Variants in ZNF680 observed in about 807,000 individuals in gnomAD.
ZNF680 encodes the protein zinc finger protein 680, also known as hypothetical protein FLJ90430.
ZNF680 carries 6 observed loss-of-function variants against 12.1 expected under a neutral mutation model. The ratio of observed to expected loss-of-function variants is 0.49; its 90% CI spans 0.27 to 0.98. The LOEUF (loss-of-function observed/expected upper bound fraction) is 0.98, where lower values mean the gene tolerates loss of function less well. Among genes scored for constraint, ZNF680 ranks in the 50% least tolerant of loss-of-function variants. The pLI, the probability that ZNF680 is intolerant of heterozygous loss-of-function variation, is 0.12. For synonymous variants in ZNF680, 170 were observed against 199.3 expected (o/e 0.85, Z 1.24); for missense variants, 561 against 616.3 (o/e 0.91, Z 0.95).
Position 64,534,160 on chromosome 7 carries a change from T to C in ZNF680, c.253+9547A>G, listed in dbSNP as rs186208637. On this transcript the variant is annotated intron_variant, in intron 3 of 3. Coordinates refer to ENST00000309683, the MANE Select transcript of ZNF680 (RefSeq NM_178558.5). ...CAAATGCAATAAAAACAAAGATAAA[T>C]AGCTGGAACTTAATTAAACAAAAGA... 2.9e-3 allele frequency among the ~76,000 whole-genome samples: 442 copies of C among 152,054 alleles called. 2 individuals are homozygous for C. The highest frequency in any genetic ancestry group is 0.01 in the African/African-American group (428 of 41,484).
At chr7:64,559,474 GTT>G (rs11299637) in intron 1 of ZNF680, among the ~76,000 whole-genome samples, 2 of 146,390 alleles carry the variant, frequency 1.4e-5, no homozygotes. Context: ...GTTTGTTTAG[GTT>G]TTTTTTTTTT....
chr7:64,501,101 G>A, the ZNF680 span: 1,087 of 969,990 alleles, frequency 1.1e-3, 8 homozygotes, highest in African/African-American at 0.013. Context: ...GTGAACGGAG[G>A]AAAAGCAGGT....
chr7:64,501,558 A>G, the ZNF680 span: 11 of 755,954 alleles, frequency 1.5e-5, no homozygotes, highest in Non-Finnish European at 2.4e-5. Flanking sequence ...GAAAAATGAG[A>G]TTAATGTGAA....
chr7:64,558,966 A>G (rs59264435), intron 1 of ZNF680, among the ~76,000 whole-genome samples: 1,579 of 152,188 alleles, frequency 0.01, 31 homozygotes, highest in African/African-American at 0.036. Context: ...CGGGTGGGGG[A>G]AACAAGAGGG....
chr7:64,555,086 G>A (rs951104350), intron 1 of ZNF680, among the ~76,000 whole-genome samples: 5 of 152,098 alleles, frequency 3.3e-5, no homozygotes, highest in African/African-American at 1.2e-4. Context: ...ATAATAGTGG[G>A]ATACAACACC....
intron 1 of ZNF680, 135 bp downstream of exon 1, chr7:64,562,790 C>A: frequency 1.0e-6 from 1 of 969,070 alleles, no homozygotes; most frequent in Non-Finnish European, 1.6e-6. Flanking sequence ...GACTGAGGAC[C>A]GAGCTGCGCC....
In ZNF680 at chr7:64,522,469, C is replaced by A; in HGVS notation, c.285G>T (p.Trp95Cys). 1 of 1,544,722 alleles carries A rather than the reference C, an allele frequency of 6.5e-7. No individual in the cohort carries two copies. Among genetic ancestry groups the A allele is most frequent in the Non-Finnish European group, 8.7e-7 (1 of 1,147,420 alleles). Residue 95 changes from tryptophan (W) to cysteine (C), a missense_variant, in exon 4 of 4, where the codon TGG becomes TGT. Trp to Cys is a radical substitution (Grantham distance 215). Transcript: ENST00000309683. ...AAGAATCTTTTATGCTATGCTCTGG[C>A]CAAAGGTCTTCAGTGAAATGAGAAT... Reference protein sequence around the residue: ...VIYSHFTEDLWPEHSIKDSFQ... With the variant: ...VIYSHFTEDLCPEHSIKDSFQ...
At chr7:64,502,311 G>A in the ZNF680 span, among the ~76,000 whole-genome samples, 6 of 151,936 alleles carry the variant, frequency 3.9e-5, no homozygotes, top group African/African-American at 1.2e-4. Context: ...TTGCCCGGCC[G>A]GATTTACGGT....
Position 64,543,806 on chromosome 7 carries a change from T to C in ZNF680, c.158-4A>G. On this transcript the variant is annotated splice_polypyrimidine_tract_variant and splice_region_variant and intron_variant, in intron 2 of 3. Coordinates refer to ENST00000309683, the MANE Select transcript of ZNF680 (RefSeq NM_178558.5). Reference sequence around the variant, plus strand: ...TGAGGCTTAGAGACAGCAATACCTGTTTTATTAAAAATAAATAACATGAAT... The same window carrying C: ...TGAGGCTTAGAGACAGCAATACCTGCTTTATTAAAAATAAATAACATGAAT... 6.2e-7 allele frequency: 1 copy of C among 1,610,902 alleles called. No homozygotes were observed. Among genetic ancestry groups the C allele is most frequent in the Non-Finnish European group, 8.5e-7 (1 of 1,177,870 alleles).
At chr7:64,510,260 TA>T in the ZNF680 span, among the ~76,000 whole-genome samples, 2,598 of 151,526 alleles carry the variant, frequency 0.017, 31 homozygotes, top group Middle Eastern at 0.037. Flanking sequence ...ATATGCATTT[TA>T]AAAAGCTTGC....
chr7:64,527,390 A>C (rs1791920161), intron 3 of ZNF680, among the ~76,000 whole-genome samples: 1 of 152,076 alleles, frequency 6.6e-6, no homozygotes, highest in Non-Finnish European at 1.5e-5. Flanking sequence ...AAATACATTA[A>C]TTAAACTAAT....
At chr7:64,555,493 A>G (rs1787360787) in intron 1 of ZNF680, among the ~76,000 whole-genome samples, 1 of 152,108 alleles carries the variant, frequency 6.6e-6, no homozygotes, top group African/African-American at 2.4e-5. Context: ...GAATCTCTGC[A>G]ACACAGCTAA....
At chr7:64,517,982 G>C (rs570374905), downstream of ZNF680, among the ~76,000 whole-genome samples, 55 of 152,128 alleles carry the variant, frequency 3.6e-4, 1 homozygote, top group East Asian at 9.7e-4. Context: ...ACATAACACT[G>C]AACAGGGTAA....
the ZNF680 span, among the ~76,000 whole-genome samples, chr7:64,512,674 T>C: frequency 6.6e-6 from 1 of 152,228 alleles, no homozygotes; most frequent in East Asian, 1.9e-4. Flanking sequence ...ATAAAAACTG[T>C]ATTTCTAGCC....
chr7:64,549,045 G>A (rs1479947006), intron 1 of ZNF680, among the ~76,000 whole-genome samples: 6 of 151,776 alleles, frequency 4.0e-5, no homozygotes, highest in Non-Finnish European at 2.9e-5. Context: ...GCTTGAACCC[G>A]GGAGGCAGAG....
intron 1 of ZNF680, among the ~76,000 whole-genome samples, chr7:64,555,066 T>C (rs575627421): frequency 2.6e-5 from 4 of 152,206 alleles, no homozygotes; most frequent in African/African-American, 9.6e-5. Context: ...GAGACTTAGA[T>C]TCTGACACAA....
intron 3 of ZNF680, among the ~76,000 whole-genome samples, chr7:64,530,971 A>C (rs1289296979): frequency 1.3e-5 from 2 of 151,806 alleles, no homozygotes; most frequent in Non-Finnish European, 2.9e-5. Flanking sequence ...CTAACATTGG[A>C]GCTTCTAAAT....
At chr7:64,558,368 T>C (rs1045168842) in intron 1 of ZNF680, among the ~76,000 whole-genome samples, 2 of 152,012 alleles carry the variant, frequency 1.3e-5, no homozygotes, top group African/African-American at 4.8e-5. Flanking sequence ...TGTGAGTGGG[T>C]GGGAATCCTG....
intron 1 of ZNF680, among the ~76,000 whole-genome samples, chr7:64,546,722 GAC>G (rs1413933898): frequency 6.6e-6 from 1 of 152,116 alleles, no homozygotes; most frequent in South Asian, 2.1e-4. Flanking sequence ...CAGTTTGGGC[GAC>G]AGAGTGAGAC....
Sources: gnomAD v4.1 joint callset for allele counts (sites outside exome capture counted in the v4.1 genomes callset) on GRCh38, gnomAD v4.1.1 for gene constraint, MANE v1.5 for transcripts, NCBI Gene and HGNC (gene_info 2026-07-23, HGNC 2026-07-21) for gene names.